CEP290: variants seen among roughly 807,000 people sequenced by gnomAD.
CEP290 encodes the protein centrosomal protein of 290 kDa.
Under a neutral mutation model 344.9 loss-of-function variants are expected in CEP290, and 317 were observed. The ratio of observed to expected loss-of-function variants is 0.92; its 90% CI spans 0.84 to 1.01. The LOEUF is 1.01. CEP290 is among the 50% of genes least tolerant of loss of function. The pLI is 0.00. For missense variants in CEP290, 2,754 were observed against 2,761.4 expected, an observed-to-expected ratio of 1.00 and a Z score of 0.06; for synonymous variants, 932 against 895.8, an observed-to-expected ratio of 1.04 and a Z score of -0.72.
intron 21 of CEP290, 140 bp downstream of exon 21, chr12:88,111,554 A>T: frequency 1.2e-6 from 1 of 848,682 alleles, no homozygotes; most frequent in Non-Finnish European, 1.7e-6. Context: ...ATTTTATAAG[A>T]GAAATCCAGT....
At chr12:88,095,615 C>T (rs1021240857) in intron 27 of CEP290, among the ~76,000 whole-genome samples, 11 of 152,146 alleles carry the variant, frequency 7.2e-5, no homozygotes, top group Non-Finnish European at 1.6e-4. Context: ...CTAAAAATTA[C>T]ATTTCTAAAA....
Position 88,090,809 on chromosome 12 carries a change from T to C in CEP290, c.3492A>G (p.Arg1164=). 1 of 1,559,250 alleles carries C rather than the reference T, an allele frequency of 6.4e-7. No individual in the cohort carries two copies. Among genetic ancestry groups the C allele is most frequent in the Non-Finnish European group, 8.7e-7 (1 of 1,149,688 alleles). The change falls in exon 30 of 54, where the codon AGA becomes AGG. Residue 1164 remains arginine (R), a synonymous_variant. Coordinates refer to ENST00000552810, the MANE Select transcript of CEP290 (RefSeq NM_025114.4). ...GTTGTGCATTCAAAATTTCAACTTG[T>C]CTTCTGGCAATATCAGAAATCTCTC... is the stretch of plus-strand genomic sequence containing the variant. ...KLREISDIAR[R]QVEILNAQQQ...
At chr12:88,066,244 C>A (rs1033803076) in intron 44 of CEP290, among the ~76,000 whole-genome samples, 2 of 152,140 alleles carry the variant, frequency 1.3e-5, no homozygotes, top group African/African-American at 4.8e-5. Context: ...AAAAGTAGTA[C>A]GTACATAAAA....
intron 52 of CEP290, among the ~76,000 whole-genome samples, chr12:88,053,041 G>A (rs188714038): frequency 2.6e-5 from 4 of 152,022 alleles, no homozygotes; most frequent in Admixed American, 6.6e-5. Context: ...TGTTGATTTG[G>A]GATTACATAC....
intron 12 of CEP290, 89 bp downstream of exon 12, chr12:88,126,227 G>T: frequency 1.9e-6 from 2 of 1,064,348 alleles, no homozygotes; most frequent in Non-Finnish European, 2.5e-6. Flanking sequence ...GCTACACTAG[G>T]CACTGATGAT....
chr12:88,052,910 T>A (rs560118076), intron 52 of CEP290, among the ~76,000 whole-genome samples: 1 of 152,172 alleles, frequency 6.6e-6, no homozygotes, highest in East Asian at 1.9e-4. Context: ...TCTGCTCATT[T>A]CTCTATGAAA....
In CEP290 at chr12:88,077,811, ATTAT is replaced by A; in HGVS notation, c.5468_5471del (p.Asn1823MetfsTer27). 6.5e-7 allele frequency: 1 copy of A among 1,541,484 alleles called. No homozygotes were observed. The stretch of plus-strand genomic sequence containing the variant: ...AGGCTTTTTGTTTCTTTTGCAGTTC[ATTAT>A]TTAAGTCATTCAAATTATCAGTTAG... On this transcript the variant is annotated frameshift_variant, in exon 40 of 54. Coordinates refer to ENST00000552810, the MANE Select transcript of CEP290 (RefSeq NM_025114.4). LOFTEE classifies it high-confidence loss of function.
intron 17 of CEP290, among the ~76,000 whole-genome samples, chr12:88,118,120 G>A (rs192672701): frequency 5.9e-5 from 9 of 151,762 alleles, no homozygotes; most frequent in African/African-American, 1.9e-4. Context: ...GGAAAATGTT[G>A]AGTAACATAT....
chr12:88,141,079 G>A (rs957039548), intron 2 of CEP290, 46 bp from the exon 3 acceptor site: 1 of 1,434,730 alleles, frequency 7.0e-7, no homozygotes, highest in African/African-American at 1.4e-5. Context: ...TAACCTTCAA[G>A]CAAAATATAA....
At chr12:88,076,932 A>C (rs2035822012) in intron 41 of CEP290, among the ~76,000 whole-genome samples, 1 of 152,050 alleles carries the variant, frequency 6.6e-6, no homozygotes, top group Non-Finnish European at 1.5e-5. Flanking sequence ...TTAAGGTGTG[A>C]AGGAACTTCA....
intron 52 of CEP290, 30 bp downstream of exon 52, chr12:88,053,622 G>A (rs1388540786): frequency 5.2e-6 from 6 of 1,150,208 alleles, no homozygotes; most frequent in South Asian, 1.5e-5. Context: ...AAACTTGGGG[G>A]TAGCTAACAT....
At chr12:88,074,260 T>C (rs141861419) in intron 41 of CEP290, among the ~76,000 whole-genome samples, 48 of 152,272 alleles carry the variant, frequency 3.2e-4, no homozygotes, top group African/African-American at 1.1e-3. Context: ...AAGTGGTTGA[T>C]AGTTATTAAT....
chr12:88,137,873 GC>G (rs749719217), intron 5 of CEP290, among the ~76,000 whole-genome samples: 1 of 152,042 alleles, frequency 6.6e-6, no homozygotes, highest in Non-Finnish European at 1.5e-5. Flanking sequence ...AGAAACTTCA[GC>G]TGCTTTCTCA....
At chr12:88,095,725 A>T (rs1362699495) in intron 27 of CEP290, among the ~76,000 whole-genome samples, 1 of 152,236 alleles carries the variant, frequency 6.6e-6, no homozygotes, top group Non-Finnish European at 1.5e-5. Context: ...AACCTTGAAT[A>T]GCTCTAACGT....
At chr12:88,067,747 C>T (rs768086254) in intron 44 of CEP290, among the ~76,000 whole-genome samples, 6 of 152,100 alleles carry the variant, frequency 3.9e-5, no homozygotes, top group Non-Finnish European at 7.4e-5. Context: ...CATTTGTTGA[C>T]GTAAATTGAC....
chr12:88,120,785 A>G (rs1034374743), intron 14 of CEP290, among the ~76,000 whole-genome samples: 10 of 152,240 alleles, frequency 6.6e-5, no homozygotes, highest in Non-Finnish European at 1.0e-4. Context: ...GATTATTTGG[A>G]CAAATCACTG....
chr12:88,086,362 G>A (rs1453671298), intron 33 of CEP290, 29 bp downstream of exon 33: 1 of 1,538,076 alleles, frequency 6.5e-7, no homozygotes, highest in African/African-American at 1.4e-5. Context: ...CTATGCTACA[G>A]AGTAACAAAC....
At chr12:88,065,398 A>G (rs2034842167) in intron 44 of CEP290, among the ~76,000 whole-genome samples, 1 of 152,194 alleles carries the variant, frequency 6.6e-6, no homozygotes, top group African/African-American at 2.4e-5. Context: ...AAAGAAGACA[A>G]ACATTTTTGT....
In CEP290 at chr12:88,075,630, CACAGGGGTGGGTTTTGTT is replaced by C. The variant is rs548941155; in HGVS notation, c.5709+1574_5709+1591del. Among the ~76,000 whole-genome samples, 22 of 151,980 alleles carry C rather than the reference CACAGGGGTGGGTTTTGTT, an allele frequency of 1.4e-4. No homozygotes were observed. The East Asian group carries it at 4.3e-3, about 29-fold the overall frequency. ...ATGCTAAGGAGAATGAAATGCAAGG[CACAGGGGTGGGTTTTGTT>C]ACATAGGTAGACTACAAATTCTGTT... On this transcript the variant is annotated intron_variant, in intron 41 of 53. Coordinates refer to ENST00000552810, the MANE Select transcript of CEP290 (RefSeq NM_025114.4).
Sources: gnomAD v4.1 joint callset for allele counts (sites outside exome capture counted in the v4.1 genomes callset) on GRCh38, gnomAD v4.1.1 for gene constraint, MANE v1.5 for transcripts, NCBI Gene and HGNC (gene_info 2026-07-23, HGNC 2026-07-21) for gene names.